SEMA3C: variants seen among roughly 807,000 people sequenced by gnomAD.
SEMA3C encodes the protein semaphorin 3C.
A neutral mutation model predicts 89.4 loss-of-function variants in SEMA3C; 47 were observed. That is an observed-to-expected ratio of 0.53 (90% CI 0.42 to 0.67). The LOEUF (loss-of-function observed/expected upper bound fraction) is 0.67, where lower values mean the gene tolerates loss of function less well. SEMA3C is among the 30% of genes least tolerant of loss of function. The probability of loss-of-function intolerance (pLI) is 0.00; values close to 1 mark genes in which losing one functional copy is unlikely to be tolerated. For synonymous variants in SEMA3C, 310 were observed against 320.2 expected (o/e 0.97, Z 0.34); for missense variants, 839 against 929.1 (o/e 0.90, Z 1.26).
At chr7:80,804,672 G>A (rs1036467678) in intron 7 of SEMA3C, among the ~76,000 whole-genome samples, 5 of 152,066 alleles carry the variant, frequency 3.3e-5, no homozygotes, top group Admixed American at 2.0e-4. Flanking sequence ...TGCAACATAC[G>A]AAATGAAGGG....
rs909885789 is a variant in SEMA3C, at chr7:80,821,949, T to G, written c.328-3531A>C. The stretch of plus-strand genomic sequence containing the variant: ...TGTTGCTCAATGTGCTCCCTGCCCC[T>G]CCCCACACACAAGACCACAAAAGGA... On this transcript the variant is annotated intron_variant, in intron 4 of 17. Coordinates refer to ENST00000265361, the MANE Select transcript of SEMA3C (RefSeq NM_006379.5). Among the ~76,000 whole-genome samples, 4 of 152,188 alleles carry G rather than the reference T, an allele frequency of 2.6e-5. No homozygotes were observed. The East Asian group carries it at 7.7e-4, about 29-fold the overall frequency.
Position 80,751,292 on chromosome 7 carries a change from T to C in SEMA3C, c.1688A>G (p.Gln563Arg). Residue 563 changes from glutamine to arginine, a missense_variant, in exon 16 of 18, where the codon CAA becomes CGA. Physicochemically the swap from Gln to Arg is conservative, Grantham distance 43 (BLOSUM62 1). Coordinates refer to ENST00000265361, the MANE Select transcript of SEMA3C (RefSeq NM_006379.5). ...QDVRHGNPLT[Q>R]CRGFNLKAYR... is the part of the protein sequence containing the mutation. ...ACCTTTTAGATTAAATCCTCTGCAT[T>C]GAGTCAGTGGGTTTCCATGTCTCAC... The C allele has an allele frequency of 6.2e-7, 1 of 1,614,004 alleles. No homozygotes were observed. The highest frequency in any genetic ancestry group is 8.5e-7 in the Non-Finnish European group (1 of 1,179,898).
chr7:80,773,333 C>T (rs1788475967), intron 12 of SEMA3C, among the ~76,000 whole-genome samples: 1 of 151,870 alleles, frequency 6.6e-6, no homozygotes, highest in Non-Finnish European at 1.5e-5. Flanking sequence ...TGATCTTCAG[C>T]AAAATGAATG....
intron 2 of SEMA3C, among the ~76,000 whole-genome samples, chr7:80,862,337 C>T (rs1790791616): frequency 1.3e-5 from 2 of 152,012 alleles, no homozygotes; most frequent in Non-Finnish European, 2.9e-5. Flanking sequence ...ACCACTTTTT[C>T]AATAGCTGCA....
chr7:80,809,343 A>G (rs143331951), intron 6 of SEMA3C, among the ~76,000 whole-genome samples: 137 of 152,252 alleles, frequency 9.0e-4, no homozygotes, highest in Middle Eastern at 3.4e-3. Context: ...TTTCCTTTGA[A>G]AAAACACCCC....
intron 2 of SEMA3C, among the ~76,000 whole-genome samples, chr7:80,849,581 C>T (rs1379526345): frequency 3.9e-5 from 6 of 151,988 alleles, no homozygotes. Context: ...AAAATAAACA[C>T]TATAAGTGAG....
intron 2 of SEMA3C, among the ~76,000 whole-genome samples, chr7:80,911,799 AATTTTTTGTATTTTTAGTAG>A (rs1792157282): frequency 6.6e-6 from 1 of 151,842 alleles, no homozygotes; most frequent in Non-Finnish European, 1.5e-5. Flanking sequence ...ATGCCTGGCT[AATTTTTTGTATTTTTAGTAG>A]AGACGGGGTA....
intron 16 of SEMA3C, 129 bp downstream of exon 16, chr7:80,751,140 C>A (rs988888866): frequency 2.8e-6 from 2 of 701,916 alleles, no homozygotes; most frequent in Non-Finnish European, 4.8e-6. Context: ...ATATAAATAC[C>A]CAGAATTGTT....
intron 2 of SEMA3C, among the ~76,000 whole-genome samples, chr7:80,865,139 T>C (rs1461653581): frequency 6.6e-6 from 1 of 152,174 alleles, no homozygotes; most frequent in Non-Finnish European, 1.5e-5. Flanking sequence ...TCCTCCTTTA[T>C]AGTTAGCTTT....
chr7:80,886,328 C>G (rs184722887), intron 2 of SEMA3C, among the ~76,000 whole-genome samples: 222 of 151,256 alleles, frequency 1.5e-3, no homozygotes, highest in Admixed American at 6.1e-3. Flanking sequence ...ACAGGCTCAG[C>G]TGGATGTTGT....
At chr7:80,774,773 AAT>A (rs547043352) in intron 12 of SEMA3C, among the ~76,000 whole-genome samples, 61 of 152,258 alleles carry the variant, frequency 4.0e-4, no homozygotes, top group African/African-American at 1.3e-3. Context: ...TCACAAGAAG[AAT>A]AGAGAGATTG....
At position 80,794,235 on chromosome 7, in the gene SEMA3C, G is replaced by T. The variant is rs187306475; in HGVS notation, c.1131+3857C>A. 1.4e-3 allele frequency among the ~76,000 whole-genome samples: 205 copies of T among 151,676 alleles called. 1 individual carries two copies. Among genetic ancestry groups the T allele is most frequent in the African/African-American group, 4.3e-3 (179 of 41,364 alleles). On this transcript the variant is annotated intron_variant, in intron 11 of 17. Coordinates refer to ENST00000265361, the MANE Select transcript of SEMA3C (RefSeq NM_006379.5). ...TTCCTTCCTTACTCAATTTATCCAC[G>T]TCCAATCACCCTAGGGCAAGCTCAA... is the stretch of plus-strand genomic sequence containing the variant.
chr7:80,882,412 CTTTTTT>C (rs763742493), intron 2 of SEMA3C, among the ~76,000 whole-genome samples: 3 of 46,664 alleles, frequency 6.4e-5, no homozygotes, highest in South Asian at 1.6e-3. Context: ...GTAAGGGATG[CTTTTTT>C]TTTTTTTTTT....
intron 12 of SEMA3C, among the ~76,000 whole-genome samples, chr7:80,782,658 C>T (rs1052051833): frequency 1.3e-5 from 2 of 152,068 alleles, no homozygotes; most frequent in African/African-American, 4.8e-5. Flanking sequence ...TGTGATTCTG[C>T]CCAAAAACAA....
At chr7:80,860,636 C>A (rs1682328340) in intron 2 of SEMA3C, among the ~76,000 whole-genome samples, 1 of 152,138 alleles carries the variant, frequency 6.6e-6, no homozygotes, top group Non-Finnish European at 1.5e-5. Context: ...GGTAAAAATT[C>A]AGAGTTGAGG....
intron 2 of SEMA3C, among the ~76,000 whole-genome samples, chr7:80,900,263 G>A (rs745646329): frequency 5.9e-5 from 9 of 151,962 alleles, no homozygotes; most frequent in Non-Finnish European, 1.0e-4. Flanking sequence ...ACAGGTGCCC[G>A]CCACCACGCC....
chr7:80,859,922 T>A (rs1412658162), intron 2 of SEMA3C, among the ~76,000 whole-genome samples: 2 of 151,948 alleles, frequency 1.3e-5, no homozygotes, highest in East Asian at 3.9e-4. Context: ...ACACTATTTT[T>A]TTTTTTAAAA....
chr7:80,911,935 A>AT (rs1009651041), intron 2 of SEMA3C, among the ~76,000 whole-genome samples: 18 of 150,040 alleles, frequency 1.2e-4, no homozygotes, highest in Non-Finnish European at 2.1e-4. Flanking sequence ...GCTCGACCAC[A>AT]TTTTTTTTTA....
rs145800169 is a variant in SEMA3C at position 80,837,001 on chromosome 7, C to G, written c.104-8256G>C. On this transcript the variant is annotated intron_variant, in intron 2 of 17. Transcript: ENST00000265361. ...TTAGTAAAAATTTCAAAATTTTAAC[C>G]CTTTCCCATTTAGAACAAAAAGTGG... Among the ~76,000 whole-genome samples the G allele has an allele frequency of 3.0e-4, 46 of 152,182 alleles. No homozygotes were observed. The East Asian group carries it at 8.3e-3, about 27-fold the overall frequency.
Sources: gnomAD v4.1 joint callset for allele counts (sites outside exome capture counted in the v4.1 genomes callset) on GRCh38, gnomAD v4.1.1 for gene constraint, MANE v1.5 for transcripts, NCBI Gene and HGNC (gene_info 2026-07-23, HGNC 2026-07-21) for gene names.